ERC2: variants seen among roughly 807,000 people sequenced by gnomAD.
ERC2 encodes the protein ERC protein 2.
ERC2 carries 42 observed loss-of-function variants against 114.8 expected under a neutral mutation model. The observed-to-expected ratio is 0.37, with a 90% CI of 0.29 to 0.47. The LOEUF (loss-of-function observed/expected upper bound fraction) is 0.47. Among genes scored for constraint, ERC2 ranks in the 20% least tolerant of loss-of-function variants. The pLI, the probability that ERC2 is intolerant of heterozygous loss-of-function variation, is 0.99. For synonymous variants in ERC2, 454 were observed against 425.5 expected (o/e 1.07, Z -0.82); for missense variants, 939 against 1,150.7 (o/e 0.82, Z 2.66).
chr3:56,435,700 T>G (rs765976790), intron 1 of ERC2, among the ~76,000 whole-genome samples: 1 of 152,206 alleles, frequency 6.6e-6, no homozygotes, highest in African/African-American at 2.4e-5. Flanking sequence ...AGAATTCTTC[T>G]CAACACAACA....
chr3:56,007,516 C>A (rs959910920), intron 9 of ERC2, among the ~76,000 whole-genome samples, 195 bp from the exon 10 acceptor site: 3 of 152,042 alleles, frequency 2.0e-5, no homozygotes, highest in African/African-American at 7.2e-5. Flanking sequence ...CGAGTAGGAT[C>A]TAATTGCCGT....
chr3:55,688,914 G>C (rs2062479519), intron 16 of ERC2, among the ~76,000 whole-genome samples: 1 of 152,166 alleles, frequency 6.6e-6, no homozygotes, highest in Admixed American at 6.5e-5. Context: ...GTGTTGACTT[G>C]TGTCTTCTCA....
chr3:56,053,489 G>T (rs1017175777), intron 7 of ERC2, among the ~76,000 whole-genome samples: 8 of 152,154 alleles, frequency 5.3e-5, no homozygotes, highest in African/African-American at 1.9e-4. Flanking sequence ...CAAGAACTTA[G>T]CTCAACAACT....
chr3:56,020,539 A>G (rs2073636604), intron 7 of ERC2, among the ~76,000 whole-genome samples: 2 of 152,186 alleles, frequency 1.3e-5, no homozygotes, highest in African/African-American at 4.8e-5. Flanking sequence ...ACAAATGTTC[A>G]CACAAAAATA....
rs934980144 is a variant in ERC2 at position 55,820,650 on chromosome 3, C to T, written c.2564+67739G>A. Among the ~76,000 whole-genome samples, 7 of 152,030 alleles carry T rather than the reference C, an allele frequency of 4.6e-5. No individual in the cohort carries two copies. In the East Asian group the frequency reaches 1.2e-3, roughly 25 times the overall value. On this transcript the variant is annotated intron_variant, in intron 14 of 17. Transcript: ENST00000288221. Reference sequence around the variant, plus strand: ...GGCACAGGGAGATCAGGTAGCATACCCAAGGTTACACAGCGAGTAAGTAGT... The same window carrying T: ...GGCACAGGGAGATCAGGTAGCATACTCAAGGTTACACAGCGAGTAAGTAGT...
chr3:55,881,109 A>C (rs2063100556), intron 14 of ERC2, among the ~76,000 whole-genome samples: 1 of 152,302 alleles, frequency 6.6e-6, no homozygotes, highest in African/African-American at 2.4e-5. Context: ...AAGAAATGTG[A>C]TTTGTCTTTT....
In ERC2 at chr3:56,308,743, G is replaced by A. The variant is rs765895009; in HGVS notation, c.658-12308C>T. On this transcript the variant is annotated intron_variant, in intron 2 of 17. Coordinates refer to ENST00000288221, the MANE Select transcript of ERC2 (RefSeq NM_015576.3). ...TTAGGGTTTCATTGCTATGAAAACC[G>A]TCTCCAAGCTATATAAAAATATGAA... 5.9e-5 allele frequency among the ~76,000 whole-genome samples: 9 copies of A among 151,960 alleles called. No homozygotes were observed. The East Asian group carries it at 7.7e-4, about 13-fold the overall frequency.
At chr3:55,824,754 C>T (rs1379232631) in intron 14 of ERC2, among the ~76,000 whole-genome samples, 1 of 152,106 alleles carries the variant, frequency 6.6e-6, no homozygotes, top group South Asian at 2.1e-4. Flanking sequence ...TTTTAATAAG[C>T]CTATATGTCA....
At position 55,888,442 on chromosome 3, in the gene ERC2, C is replaced by A. The variant is rs776945139; in HGVS notation, c.2511G>T (p.Leu837Phe). The A allele has an allele frequency of 6.2e-7, 1 of 1,613,840 alleles. No individual in the cohort carries two copies. The highest frequency in any genetic ancestry group is 8.5e-7 in the Non-Finnish European group (1 of 1,179,840). ...QQSLAEKEAHLANLRIERRKQ... is the reference protein window; with the variant it reads ...QQSLAEKEAHFANLRIERRKQ... ...TCCTCCTCTCAATCCGGAGGTTGGC[C>A]AAGTGCGCTTCTTTTTCGGCCAGGG... The change falls in exon 14 of 18, where the codon TTG becomes TTT. Residue 837 changes from leucine (L) to phenylalanine (F), a missense_variant. Transcript: ENST00000288221.
At chr3:56,251,184 C>T (rs1021297176) in intron 3 of ERC2, among the ~76,000 whole-genome samples, 8 of 152,230 alleles carry the variant, frequency 5.3e-5, no homozygotes, top group African/African-American at 1.9e-4. Context: ...AAGTTCCCAA[C>T]AGCCTCACAA....
intron 3 of ERC2, among the ~76,000 whole-genome samples, chr3:56,203,626 GTATC>G (rs2048532765): frequency 6.6e-6 from 1 of 152,146 alleles, no homozygotes; most frequent in Admixed American, 6.5e-5. Context: ...CAGGGATTGA[GTATC>G]CCCTGAATCA....
chr3:56,423,533 C>G (rs1053069119), intron 2 of ERC2, among the ~76,000 whole-genome samples: 106 of 152,248 alleles, frequency 7.0e-4, no homozygotes, highest in Non-Finnish European at 2.5e-4. Flanking sequence ...TTAACTTTAT[C>G]AACGTATGGA....
At chr3:56,121,777 G>A (rs1351019070) in intron 6 of ERC2, among the ~76,000 whole-genome samples, 6 of 152,162 alleles carry the variant, frequency 3.9e-5, no homozygotes, top group African/African-American at 1.4e-4. Context: ...TAAACTAGGT[G>A]TTAATATAAA....
chr3:55,862,212 AT>A (rs1187739643), intron 14 of ERC2, among the ~76,000 whole-genome samples: 1 of 150,974 alleles, frequency 6.6e-6, no homozygotes, highest in African/African-American at 2.5e-5. Flanking sequence ...ATATTCACAC[AT>A]TTTTTTTGGT....
At chr3:55,579,140 G>A (rs1408453807) in intron 17 of ERC2, among the ~76,000 whole-genome samples, 1 of 152,166 alleles carries the variant, frequency 6.6e-6, no homozygotes, top group Non-Finnish European at 1.5e-5. Flanking sequence ...ACACTGCAAA[G>A]GGCATGCATA....
chr3:56,017,539 C>G (rs921075493), intron 8 of ERC2, among the ~76,000 whole-genome samples: 1 of 152,124 alleles, frequency 6.6e-6, no homozygotes, highest in Non-Finnish European at 1.5e-5. Flanking sequence ...CTTCCTCTCA[C>G]CCACACCCTT....
chr3:56,106,005 A>G (rs1259281504), intron 6 of ERC2, among the ~76,000 whole-genome samples: 1 of 152,218 alleles, frequency 6.6e-6, no homozygotes, highest in Non-Finnish European at 1.5e-5. Context: ...ACAATTCAGG[A>G]CTTATGTTTC....
intron 17 of ERC2, among the ~76,000 whole-genome samples, chr3:55,673,458 CT>C (rs1559481413): frequency 2.0e-5 from 3 of 152,314 alleles, no homozygotes; most frequent in South Asian, 4.1e-4. Context: ...TGGCGCACGC[CT>C]GTACTCCCAG....
chr3:56,144,510 T>G (rs1332683255), intron 5 of ERC2, among the ~76,000 whole-genome samples: 1 of 152,168 alleles, frequency 6.6e-6, no homozygotes, highest in East Asian at 1.9e-4. Context: ...GCAAAGATGA[T>G]GTTTATAGTG....
Sources: gnomAD v4.1 joint callset for allele counts (sites outside exome capture counted in the v4.1 genomes callset) on GRCh38, gnomAD v4.1.1 for gene constraint, MANE v1.5 for transcripts, NCBI Gene and HGNC (gene_info 2026-07-23, HGNC 2026-07-21) for gene names.